Variants in ZNF516 observed in about 807,000 individuals in gnomAD.
ZNF516 encodes the protein zinc finger protein 516.
Under a neutral mutation model 79.7 loss-of-function variants are expected in ZNF516, and 19 were observed. The observed-to-expected ratio is 0.24, with a 90% CI of 0.17 to 0.35. The LOEUF (loss-of-function observed/expected upper bound fraction) is 0.35. Ranked by LOEUF, ZNF516 falls within the 10% of genes least tolerant of loss-of-function variation. ZNF516 has a pLI of 1.00. For synonymous variants in ZNF516, 877 were observed against 739.5 expected, an observed-to-expected ratio of 1.19 and a Z score of -3.02; for missense variants, 1,678 against 1,679.5, an observed-to-expected ratio of 1.00 and a Z score of 0.02.
chr18:76,409,707 A>C (rs1432506258), intron 3 of ZNF516, among the ~76,000 whole-genome samples: 1 of 152,178 alleles, frequency 6.6e-6, no homozygotes, highest in East Asian at 1.9e-4. Flanking sequence ...CCCTCCCTGT[A>C]GCTGGAGATG....
At chr18:76,495,725 C>A, upstream of ZNF516, 1 of 1,181,322 alleles carries the variant, frequency 8.5e-7, no homozygotes, top group Non-Finnish European at 1.1e-6. Flanking sequence ...GTCCCGCCGG[C>A]GGGTACCTGG....
chr18:76,443,208 G>T lies in ZNF516; in HGVS notation c.-154C>A. Reference sequence around the variant, plus strand: ...TGGGGGGCGCAGCAGCTGGCAGCCAGCACCTGAAACAGAGATGGAACATCA... The same window carrying T: ...TGGGGGGCGCAGCAGCTGGCAGCCATCACCTGAAACAGAGATGGAACATCA... On this transcript the variant is annotated 5_prime_UTR_variant, in exon 3 of 7. In the 5' UTR this introduces an upstream ATG that the reference lacks. Coordinates refer to ENST00000443185, the MANE Select transcript of ZNF516 (RefSeq NM_014643.4). 1 of 1,171,356 alleles carries T rather than the reference G, an allele frequency of 8.5e-7. No homozygotes were observed. Among genetic ancestry groups the T allele is most frequent in the Non-Finnish European group, 1.2e-6 (1 of 867,668 alleles). 72.6% of individuals were successfully genotyped at this position (1,171,356 alleles called of 1,614,324 possible). A position where few individuals can be genotyped will look rare whatever the true frequency, so the allele number is the denominator to read the frequency against.
chr18:76,367,507 C>T (rs2074633770), intron 6 of ZNF516, among the ~76,000 whole-genome samples: 1 of 152,208 alleles, frequency 6.6e-6, no homozygotes, highest in Non-Finnish European at 1.5e-5. Flanking sequence ...AGCCTCTGCC[C>T]ACCCACTCTG....
chr18:76,492,679 G>C (rs951123194), intron 1 of ZNF516: 1 of 977,734 alleles, frequency 1.0e-6, no homozygotes, highest in Non-Finnish European at 1.2e-6. Flanking sequence ...AGGCACCAAG[G>C]CCAGAGAAAC....
chr18:76,365,029 G>C (rs993191295), intron 6 of ZNF516, among the ~76,000 whole-genome samples: 16 of 152,178 alleles, frequency 1.1e-4, no homozygotes, highest in African/African-American at 3.9e-4. Flanking sequence ...GTGATGCTGA[G>C]ACTCTGAAAG....
At chr18:76,381,709 G>A (rs574392278) in intron 3 of ZNF516, among the ~76,000 whole-genome samples, 32 of 152,296 alleles carry the variant, frequency 2.1e-4, no homozygotes, top group African/African-American at 4.8e-4. Context: ...CAATTCATAC[G>A]CCGTGTTAAA....
In ZNF516 at chr18:76,467,485, C is replaced by T. The variant is rs1913557758; in HGVS notation, c.-271-4344G>A. Among the ~76,000 whole-genome samples, 1 of 152,172 alleles carries T rather than the reference C, an allele frequency of 6.6e-6. No individual in the cohort carries two copies. The highest frequency in any genetic ancestry group is 2.4e-5 in the African/African-American group (1 of 41,442). On this transcript the variant is annotated intron_variant, in intron 1 of 6. Coordinates refer to ENST00000443185, the MANE Select transcript of ZNF516 (RefSeq NM_014643.4). The surrounding 1 kb of genome is among the most constrained non-coding windows in gnomAD (Gnocchi z 4.2). ...CCCTAACTAGATATTAAGCACACCT[C>T]GGGGGCAGTGCTGGAATTACAGCAT...
rs779845812 is a variant in ZNF516 at position 76,371,537 on chromosome 18, G to A, written c.3294C>T (p.Phe1098=). 6 of 1,610,942 alleles carry A rather than the reference G, an allele frequency of 3.7e-6. No individual in the cohort carries two copies. The highest frequency in any genetic ancestry group is 1.7e-4 in the Middle Eastern group (1 of 6,058). Residue 1098 remains phenylalanine, a synonymous_variant, in exon 5 of 7, where the codon TTC becomes TTT. Coordinates refer to ENST00000443185, the MANE Select transcript of ZNF516 (RefSeq NM_014643.4). ...AGCTCTTTCCGCACTCGATGCAGAC[G>A]AACTCTCCTGGCCGGGCCTGCGTCC... ...TLRTQARPGE[F]VCIECGKSFH...
At chr18:76,434,290 C>A (rs1223111457) in intron 3 of ZNF516, among the ~76,000 whole-genome samples, 1 of 152,150 alleles carries the variant, frequency 6.6e-6, no homozygotes, top group Non-Finnish European at 1.5e-5. Flanking sequence ...CACTTCTTCA[C>A]GACACAGCAA....
chr18:76,412,948 C>T (rs2075389352), intron 3 of ZNF516, among the ~76,000 whole-genome samples: 2 of 152,238 alleles, frequency 1.3e-5, no homozygotes, highest in South Asian at 4.1e-4. Flanking sequence ...CCTACCAGAA[C>T]CTAGCATCAC....
At position 76,459,034 on chromosome 18, in the gene ZNF516, T is replaced by A. The variant is rs942789362; in HGVS notation, c.-158+3994A>T. Among the ~76,000 whole-genome samples, 5 of 152,182 alleles carry A rather than the reference T, an allele frequency of 3.3e-5. No individual in the cohort carries two copies. The highest frequency in any genetic ancestry group is 1.2e-4 in the African/African-American group (5 of 41,452). ...TCTGAGAGAGCACATGTGTGTGATC[T>A]CTTAACCTACATAAAAGCACTCATT... is the stretch of plus-strand genomic sequence containing the variant. On this transcript the variant is annotated intron_variant, in intron 2 of 6. Coordinates refer to ENST00000443185, the MANE Select transcript of ZNF516 (RefSeq NM_014643.4). This position sits in a 1 kb window ranked among gnomAD's most constrained non-coding sequence, Gnocchi z 5.0.
rs975630772 is a variant in ZNF516, at chr18:76,358,816, G to A, written c.*3682C>T. The A allele has an allele frequency of 2.6e-5, 4 of 152,368 alleles. No homozygotes were observed. The highest frequency in any genetic ancestry group is 4.2e-4 in the South Asian group (2 of 4,816). The allele number at this position is 152,368 out of a possible 1,614,324, so 9.4% of individuals were successfully genotyped here. A position where few individuals can be genotyped will look rare whatever the true frequency, so the allele number is the denominator to read the frequency against. Reference sequence around the variant, plus strand: ...ATGTTGGTAGACAGTCTCCAGCCACGAAAGCCCAGGAGGTGCCCTCTTCCA... The same window carrying A: ...ATGTTGGTAGACAGTCTCCAGCCACAAAAGCCCAGGAGGTGCCCTCTTCCA... On this transcript the variant is annotated 3_prime_UTR_variant, in exon 7 of 7. Coordinates refer to ENST00000443185, the MANE Select transcript of ZNF516 (RefSeq NM_014643.4).
chr18:76,424,402 G>A (rs2075559053), intron 3 of ZNF516, among the ~76,000 whole-genome samples: 1 of 137,570 alleles, frequency 7.3e-6, no homozygotes, highest in South Asian at 2.6e-4. Context: ...AACACACGCA[G>A]GTGAAAAGGC....
chr18:76,407,791 T>A (rs1173419271), intron 3 of ZNF516, among the ~76,000 whole-genome samples: 1 of 152,200 alleles, frequency 6.6e-6, no homozygotes, highest in Non-Finnish European at 1.5e-5. Context: ...ACACCCCTCA[T>A]GGGGCCCATG....
rs2074485190 is a variant in ZNF516 at position 76,358,354 on chromosome 18, T to C, written c.*4144A>G. On this transcript the variant is annotated 3_prime_UTR_variant, in exon 7 of 7. Coordinates refer to ENST00000443185, the MANE Select transcript of ZNF516 (RefSeq NM_014643.4). ...AATATAAAGAGTACAAAATATAATG[T>C]TATAAATTGTATTTTAAAAAAAGAA... 6.6e-6 allele frequency: 1 copy of C among 152,254 alleles called. No individual in the cohort carries two copies. The highest frequency in any genetic ancestry group is 2.4e-5 in the African/African-American group (1 of 41,464). The allele number at this position is 152,254 out of a possible 1,614,324, so 9.4% of individuals were successfully genotyped here.
intron 1 of ZNF516, among the ~76,000 whole-genome samples, chr18:76,491,461 T>A (rs867088192): frequency 3.0e-4 from 39 of 129,680 alleles, no homozygotes; most frequent in Non-Finnish European, 5.5e-4. Flanking sequence ...GCCTTTGTTA[T>A]GGTGCGAAGT....
chr18:76,426,890 A>G (rs1160962300), intron 3 of ZNF516, among the ~76,000 whole-genome samples: 1 of 152,186 alleles, frequency 6.6e-6, no homozygotes, highest in Non-Finnish European at 1.5e-5. Flanking sequence ...CTGGATGGAC[A>G]ACACTGACCC....
chr18:76,369,265 C>T (rs148455033), intron 6 of ZNF516, among the ~76,000 whole-genome samples: 47 of 152,262 alleles, frequency 3.1e-4, no homozygotes, highest in South Asian at 6.2e-4. Context: ...TTACTTATTT[C>T]GTAAGTTGTC....
chr18:76,389,211 G>A (rs1263839877), intron 3 of ZNF516: 2 of 152,018 alleles, frequency 1.3e-5, no homozygotes, highest in Non-Finnish European at 2.9e-5. Context: ...AGCCACAGCT[G>A]GCAACAACTG....
Sources: allele counts gnomAD v4.1 joint callset (sites outside exome capture counted in the v4.1 genomes callset), GRCh38; gene constraint gnomAD v4.1.1; non-coding constraint Gnocchi (gnomAD v3.1); transcripts MANE v1.5; gene names NCBI Gene and HGNC (gene_info 2026-07-23, HGNC 2026-07-21).